Variants in ECPAS observed in about 807,000 individuals in gnomAD.
ECPAS encodes the protein Ecm29 proteasome adaptor and scaffold, also known as proteasome adapter and scaffold protein ECM29.
In ECPAS, 70 loss-of-function variants were observed where a neutral mutation model predicts 255.1. The ratio of observed to expected loss-of-function variants is 0.27; its 90% CI spans 0.23 to 0.33. The LOEUF (loss-of-function observed/expected upper bound fraction) is 0.33. Ranked by LOEUF, ECPAS falls within the 10% of genes least tolerant of loss-of-function variation. The probability of loss-of-function intolerance (pLI) is 1.00; values close to 1 mark genes in which losing one functional copy is unlikely to be tolerated. For missense variants in ECPAS, 1,817 were observed against 2,206.4 expected, an observed-to-expected ratio of 0.82 and a Z score of 3.54; for synonymous variants, 784 against 775.0, an observed-to-expected ratio of 1.01 and a Z score of -0.19.
chr9:111,384,120 A>G (rs1274720535), intron 34 of ECPAS, among the ~76,000 whole-genome samples: 1 of 152,162 alleles, frequency 6.6e-6, no homozygotes, highest in African/African-American at 2.4e-5. Context: ...ACTAGAATGT[A>G]AAGTTCCTGA....
chr9:111,429,467 A>G (rs1290193079), intron 9 of ECPAS, among the ~76,000 whole-genome samples: 4 of 152,150 alleles, frequency 2.6e-5, no homozygotes, highest in African/African-American at 9.7e-5. Flanking sequence ...AGGTCCATGG[A>G]CCACACTGTG....
chr9:111,482,731 A>T (rs138105819), intron 1 of ECPAS, among the ~76,000 whole-genome samples: 2 of 151,970 alleles, frequency 1.3e-5, no homozygotes, highest in Non-Finnish European at 2.9e-5. Context: ...CACATGTCCT[A>T]TGTCCTATGA....
chr9:111,482,889 G>A (rs1005217113), intron 1 of ECPAS, among the ~76,000 whole-genome samples: 19 of 152,142 alleles, frequency 1.2e-4, no homozygotes, highest in African/African-American at 2.4e-5. Context: ...CGCCGTCCCC[G>A]GGAAGGCTGC....
chr9:111,432,086 C>G (rs1244815917), intron 8 of ECPAS, among the ~76,000 whole-genome samples: 1 of 152,076 alleles, frequency 6.6e-6, no homozygotes, highest in Non-Finnish European at 1.5e-5. Context: ...TTAACTATAT[C>G]CCCATTATGG....
chr9:111,404,631 G>C (rs1187435855), intron 24 of ECPAS, among the ~76,000 whole-genome samples: 1 of 149,204 alleles, frequency 6.7e-6, no homozygotes, highest in East Asian at 2.0e-4. Flanking sequence ...CTTCTGCCAA[G>C]ATTGTAAGTT....
At chr9:111,401,282 G>C (rs1310325934) in intron 24 of ECPAS, among the ~76,000 whole-genome samples, 2 of 152,168 alleles carry the variant, frequency 1.3e-5, no homozygotes, top group Non-Finnish European at 2.9e-5. Context: ...TAAAAAGAGA[G>C]AAATTTTACA....
At chr9:111,406,401 C>G (rs1371594173) in intron 24 of ECPAS, among the ~76,000 whole-genome samples, 7 of 149,450 alleles carry the variant, frequency 4.7e-5, no homozygotes, top group Admixed American at 4.6e-4. Flanking sequence ...CTAATGGGAA[C>G]TAAAATACAG....
intron 34 of ECPAS, 126 bp downstream of exon 34, chr9:111,384,396 T>C: frequency 2.5e-6 from 2 of 784,896 alleles, no homozygotes; most frequent in South Asian, 3.1e-5. Context: ...CTAAGAGCAG[T>C]GAACTACAAC....
chr9:111,411,950 A>G (rs2098195191), intron 21 of ECPAS, 64 bp downstream of exon 21: 2 of 1,394,830 alleles, frequency 1.4e-6, no homozygotes, highest in South Asian at 3.2e-5. Flanking sequence ...AAAGTCAAAA[A>G]TAAGTTAGAT....
chr9:111,450,962 G>A (rs2098259484), intron 3 of ECPAS, among the ~76,000 whole-genome samples: 1 of 152,106 alleles, frequency 6.6e-6, no homozygotes, highest in Non-Finnish European at 1.5e-5. Flanking sequence ...AATCTGATGT[G>A]ACAGTTATCC....
intron 4 of ECPAS, among the ~76,000 whole-genome samples, chr9:111,443,648 TTAAA>T (rs2131914188): frequency 1.3e-5 from 2 of 152,344 alleles, no homozygotes; most frequent in South Asian, 4.1e-4. Context: ...TCCTATTTGC[TTAAA>T]GAAAGGAAAT....
intron 1 of ECPAS, among the ~76,000 whole-genome samples, chr9:111,474,314 G>A (rs2098293431): frequency 6.6e-6 from 1 of 152,078 alleles, no homozygotes; most frequent in Non-Finnish European, 1.5e-5. Context: ...TCTAGTCTCA[G>A]GTCAGATTTA....
chr9:111,375,585 G>A (rs1245281555), intron 37 of ECPAS, among the ~76,000 whole-genome samples: 1 of 152,046 alleles, frequency 6.6e-6, no homozygotes, highest in East Asian at 1.9e-4. Context: ...CCTCTAATGA[G>A]TCAACTTCTT....
intron 2 of ECPAS, among the ~76,000 whole-genome samples, chr9:111,462,026 T>G (rs1377767492): frequency 6.6e-6 from 1 of 152,184 alleles, no homozygotes; most frequent in East Asian, 1.9e-4. Context: ...ATGGGAATTA[T>G]GGGAGCTACA....
At position 111,370,635 on chromosome 9, in the gene ECPAS, G is replaced by T; in HGVS notation, c.4782-8C>A. ...GACTTTTCCAGCTCTGCACTACAGG[G>T]TCCATACAAAAGCATCAGAAGTTAA... On this transcript the variant is annotated splice_polypyrimidine_tract_variant and splice_region_variant and intron_variant, in intron 44 of 49. Transcript: ENST00000684092. The T allele has an allele frequency of 6.2e-7, 1 of 1,609,456 alleles. No homozygotes were observed. Among genetic ancestry groups the T allele is most frequent in the Non-Finnish European group, 8.5e-7 (1 of 1,177,690 alleles).
intron 36 of ECPAS, among the ~76,000 whole-genome samples, chr9:111,378,071 G>A (rs1386012423): frequency 6.6e-6 from 1 of 152,012 alleles, no homozygotes; most frequent in East Asian, 1.9e-4. Context: ...GCTTGAACCT[G>A]GCAGGCAGAG....
intron 43 of ECPAS, 27 bp from the exon 44 acceptor site, chr9:111,370,792 C>T (rs889329947): frequency 3.2e-6 from 5 of 1,577,298 alleles, no homozygotes; most frequent in Non-Finnish European, 4.3e-6. Context: ...TGAGGAAATA[C>T]TATTAAGCCC....
At chr9:111,475,559 A>AC (rs1481922155) in intron 1 of ECPAS, among the ~76,000 whole-genome samples, 1 of 152,136 alleles carries the variant, frequency 6.6e-6, no homozygotes, top group African/African-American at 2.4e-5. Context: ...ACATTGTGAA[A>AC]CCCCATCTGT....
At chr9:111,398,633 A>T (rs1003067310) in intron 24 of ECPAS, among the ~76,000 whole-genome samples, 39 of 152,242 alleles carry the variant, frequency 2.6e-4, no homozygotes, top group African/African-American at 8.4e-4. Flanking sequence ...GTACAAAAAA[A>T]TAGTTAGAAA....
Sources: allele counts gnomAD v4.1 joint callset (sites outside exome capture counted in the v4.1 genomes callset), GRCh38; gene constraint gnomAD v4.1.1; transcripts MANE v1.5; gene names NCBI Gene and HGNC (gene_info 2026-07-23, HGNC 2026-07-21).